The following IMPG1 variants were observed in gnomAD, a reference collection of about 807,000 sequenced individuals.
IMPG1 encodes interphotoreceptor matrix proteoglycan of 150 kDa.
A neutral mutation model predicts 92.0 loss-of-function variants in IMPG1; 85 were observed. That is an observed-to-expected ratio of 0.92 (90% CI 0.78 to 1.11). The LOEUF (loss-of-function observed/expected upper bound fraction) is 1.11, where lower values mean the gene tolerates loss of function less well. Ranked by LOEUF, IMPG1 falls within the 50% of genes least tolerant of loss-of-function variation. The pLI, the probability that IMPG1 is intolerant of heterozygous loss-of-function variation, is 0.00. For synonymous variants in IMPG1, 367 were observed against 334.1 expected (o/e 1.10, Z -1.08); for missense variants, 1,022 against 956.0 (o/e 1.07, Z -0.91).
rs1784418622 is a variant in IMPG1 at position 76,072,535 on chromosome 6, C to T, written c.-47G>A. 2 of 1,054,626 alleles carry T rather than the reference C, an allele frequency of 1.9e-6. No individual in the cohort carries two copies. Among genetic ancestry groups the T allele is most frequent in the African/African-American group, 1.6e-5 (1 of 61,708 alleles). 65.3% of individuals were successfully genotyped at this position (1,054,626 alleles called of 1,614,324 possible). On this transcript the variant is annotated 5_prime_UTR_variant, in exon 1 of 17. Coordinates refer to ENST00000369950, the MANE Select transcript of IMPG1 (RefSeq NM_001563.4). ...ATTCTGATAACAATCACAGAACAAC[C>T]TCAAATCTCATTAAAAAGTAACAGA...
In IMPG1 at chr6:76,046,669, G is replaced by A. The variant is rs538109093; in HGVS notation, c.68-4543C>T. Reference sequence around the variant, plus strand: ...TACTTGACATCCAAGTACATCCTGAGTTTCTTCACCTATAAAATGGGGAAT... The same window carrying A: ...TACTTGACATCCAAGTACATCCTGAATTTCTTCACCTATAAAATGGGGAAT... On this transcript the variant is annotated intron_variant, in intron 1 of 16. Transcript: ENST00000369950. Among the ~76,000 whole-genome samples the A allele has an allele frequency of 5.9e-5, 9 of 152,268 alleles. No homozygotes were observed. In the South Asian group the frequency reaches 1.9e-3, roughly 32 times the overall value.
chr6:75,933,364 G>C lies in IMPG1; in HGVS notation c.2045-2213C>G, dbSNP rs77190354. ...TCCCTTCAAACCATTTATTTTTACT[G>C]TTGGTACTATAGAGAGATTTCACCA... On this transcript the variant is annotated intron_variant, in intron 14 of 16. Transcript: ENST00000369950. Among the ~76,000 whole-genome samples, 1,254 of 152,220 alleles carry C rather than the reference G, an allele frequency of 8.2e-3. 19 individuals carry two copies. Among genetic ancestry groups the C allele is most frequent in the African/African-American group, 0.028 (1,157 of 41,516 alleles).
chr6:75,945,227 C>T (rs896144221), intron 14 of IMPG1, among the ~76,000 whole-genome samples: 3 of 152,058 alleles, frequency 2.0e-5, no homozygotes, highest in Non-Finnish European at 4.4e-5. Flanking sequence ...GACAATGTTG[C>T]AATAGTAACT....
chr6:75,990,935 G>T (rs1418537543), intron 12 of IMPG1, among the ~76,000 whole-genome samples: 1 of 152,120 alleles, frequency 6.6e-6, no homozygotes, highest in Non-Finnish European at 1.5e-5. Flanking sequence ...CTCAAAGCAA[G>T]AACTACTTCT....
chr6:75,971,711 GCTAA>G (rs1441613026), intron 12 of IMPG1, among the ~76,000 whole-genome samples: 1 of 152,114 alleles, frequency 6.6e-6, no homozygotes, highest in Non-Finnish European at 1.5e-5. Context: ...CACCTTCCAG[GCTAA>G]CTGATTCATA....
In IMPG1 at chr6:76,022,157, T is replaced by C; in HGVS notation, c.625A>G (p.Ile209Val). Residue 209 changes from isoleucine (I) to valine (V), a missense_variant, in exon 6 of 17, where the codon ATT becomes GTT. Physicochemically the swap from Ile to Val is conservative, Grantham distance 29. Around this residue, in one of 3 missense-constraint regions of IMPG1, gnomAD observed 681 missense variants for 583.6 expected, o/e 1.17. Transcript: ENST00000369950. The part of the protein sequence containing the change: ...LTPDDTLLNE[I>V]LDNTLNDTKM... ...GTGTCGTTGAGTGTATTATCGAGAA[T>C]TTCATTGAGGAGGGTGTCATCAGGA... The C allele has an allele frequency of 6.3e-7, 1 of 1,598,156 alleles. No homozygotes were observed. Among genetic ancestry groups the C allele is most frequent in the South Asian group, 1.1e-5 (1 of 90,782 alleles).
At chr6:75,946,551 A>C (rs995532537) in intron 14 of IMPG1, among the ~76,000 whole-genome samples, 9 of 152,206 alleles carry the variant, frequency 5.9e-5, no homozygotes, top group Non-Finnish European at 1.2e-4. Flanking sequence ...TAGAAAACAG[A>C]ATTTTGAAAC....
rs74784605 is a variant in IMPG1 at position 76,008,566 on chromosome 6, G to A, written c.867-1066C>T. The stretch of plus-strand genomic sequence containing the variant: ...AAGGAAGAATCTAACTAGTGCTGCT[G>A]TATGGGTGAGACTTCCTTCTCTACC... On this transcript the variant is annotated intron_variant, in intron 8 of 16. Transcript: ENST00000369950. Among the ~76,000 whole-genome samples, 18 of 152,306 alleles carry A rather than the reference G, an allele frequency of 1.2e-4. No individual in the cohort carries two copies. The East Asian group carries it at 3.5e-3, about 29-fold the overall frequency.
intron 5 of IMPG1, among the ~76,000 whole-genome samples, 174 bp from the exon 6 acceptor site, chr6:76,022,393 A>C (rs539397125): frequency 6.6e-6 from 1 of 152,298 alleles, no homozygotes; most frequent in South Asian, 2.1e-4. Flanking sequence ...AATATGACTC[A>C]TACTCTGTCC....
chr6:75,935,374 ACT>A (rs1331043790), intron 14 of IMPG1, among the ~76,000 whole-genome samples: 3 of 152,164 alleles, frequency 2.0e-5, no homozygotes, highest in Admixed American at 1.3e-4. Context: ...CAGAGCTAAG[ACT>A]CTGGAATCCA....
chr6:75,969,213 G>A (rs1379828643), intron 12 of IMPG1, among the ~76,000 whole-genome samples: 3 of 151,976 alleles, frequency 2.0e-5, no homozygotes, highest in African/African-American at 4.8e-5. Flanking sequence ...TAGATAGGAG[G>A]AATAAGTTCA....
chr6:76,012,410 A>G (rs1393399699), intron 7 of IMPG1, among the ~76,000 whole-genome samples: 4 of 152,042 alleles, frequency 2.6e-5, no homozygotes, highest in African/African-American at 9.7e-5. Flanking sequence ...TTTACTTTCT[A>G]CTTAAACATA....
intron 7 of IMPG1, among the ~76,000 whole-genome samples, chr6:76,013,285 CA>C (rs1783223695): frequency 6.6e-6 from 1 of 152,050 alleles, no homozygotes; most frequent in African/African-American, 2.4e-5. Context: ...GGTACCTTAC[CA>C]TTCACTTCCT....
chr6:76,028,395 C>T (rs182362677), intron 4 of IMPG1, among the ~76,000 whole-genome samples: 38 of 152,248 alleles, frequency 2.5e-4, no homozygotes, highest in East Asian at 1.2e-3. Context: ...GAAATGCTCA[C>T]GAATATCAAA....
chr6:75,985,970 T>C (rs965185590), intron 12 of IMPG1, among the ~76,000 whole-genome samples: 4 of 152,150 alleles, frequency 2.6e-5, no homozygotes, highest in African/African-American at 9.7e-5. Flanking sequence ...TGAAGAGGGA[T>C]GAAAGAGCCT....
intron 14 of IMPG1, among the ~76,000 whole-genome samples, chr6:75,932,907 GC>G (rs1216020044): frequency 1.3e-5 from 2 of 151,994 alleles, no homozygotes; most frequent in African/African-American, 4.8e-5. Context: ...CACCATGTTG[GC>G]CAGGCTGGTC....
intron 1 of IMPG1, among the ~76,000 whole-genome samples, chr6:76,059,117 G>A (rs958169545): frequency 2.6e-5 from 4 of 152,118 alleles, no homozygotes; most frequent in Non-Finnish European, 5.9e-5. Context: ...TGAAAAGGGG[G>A]TGTTTCAGAA....
chr6:76,046,384 T>C (rs1328914291), intron 1 of IMPG1, among the ~76,000 whole-genome samples: 2 of 152,164 alleles, frequency 1.3e-5, no homozygotes, highest in East Asian at 1.9e-4. Context: ...GTTTTGGAAA[T>C]AGTCATATCA....
At chr6:76,062,304 C>T (rs1467626767) in intron 1 of IMPG1, among the ~76,000 whole-genome samples, 3 of 152,104 alleles carry the variant, frequency 2.0e-5, no homozygotes, top group Non-Finnish European at 4.4e-5. Context: ...AATTAGTTTT[C>T]TTTTGTTGAA....
Sources: gnomAD v4.1 joint callset for allele counts (sites outside exome capture counted in the v4.1 genomes callset) on GRCh38, gnomAD v4.1.1 for gene constraint, gnomAD v4.1.1 regional missense constraint, MANE v1.5 for transcripts, NCBI Gene and HGNC (gene_info 2026-07-23, HGNC 2026-07-21) for gene names.